Variants in TMEM117 observed in about 807,000 individuals in gnomAD.
TMEM117 encodes the protein transmembrane protein 117.
A neutral mutation model predicts 52.4 loss-of-function variants in TMEM117; 27 were observed. The observed-to-expected ratio is 0.51, with a 90% CI of 0.38 to 0.71. The LOEUF (loss-of-function observed/expected upper bound fraction) is 0.71, where lower values mean the gene tolerates loss of function less well. Ranked by LOEUF, TMEM117 falls within the 30% of genes least tolerant of loss-of-function variation. The pLI, the probability that TMEM117 is intolerant of heterozygous loss-of-function variation, is 0.00. For synonymous variants in TMEM117, 215 were observed against 206.3 expected (o/e 1.04, Z -0.36); for missense variants, 556 against 630.5 (o/e 0.88, Z 1.26).
At chr12:44,328,480 G>C (rs538143537) in intron 6 of TMEM117, among the ~76,000 whole-genome samples, 2 of 152,234 alleles carry the variant, frequency 1.3e-5, no homozygotes, top group African/African-American at 4.8e-5. Flanking sequence ...AACTCTACAA[G>C]AAAACTGCTA....
At chr12:44,359,463 T>G (rs1951693921) in intron 6 of TMEM117, among the ~76,000 whole-genome samples, 1 of 152,098 alleles carries the variant, frequency 6.6e-6, no homozygotes, top group Non-Finnish European at 1.5e-5. Flanking sequence ...TTCAATTTTG[T>G]ATTATGTATT....
intron 4 of TMEM117, among the ~76,000 whole-genome samples, chr12:44,185,501 A>G (rs1295600085): frequency 2.0e-5 from 3 of 152,220 alleles, no homozygotes; most frequent in Admixed American, 6.5e-5. Context: ...GTTATTAAAA[A>G]TAACAAAACA....
In TMEM117 at chr12:44,299,597, TG is replaced by T; in HGVS notation, c.627del (p.Thr210ArgfsTer7). ...CCTTACAGGACAGTTCTTTTTACTC[TG>T]ACGTCTGTGGTTGTACTTGTGATTA... Reference protein sequence around the residue: ...ITLFWTVLFTLTSVVVLVITT... With the variant: ...ITLFWTVLFTXTSVVVLVITT... On this transcript the variant is annotated frameshift_variant, in exon 6 of 8. Transcript: ENST00000266534. LOFTEE classifies it high-confidence loss of function. The T allele has an allele frequency of 6.2e-7, 1 of 1,614,246 alleles. No homozygotes were observed. Among genetic ancestry groups the T allele is most frequent in the Non-Finnish European group, 8.5e-7 (1 of 1,180,028 alleles).
chr12:44,331,393 G>C (rs1374529662), intron 6 of TMEM117, among the ~76,000 whole-genome samples: 1 of 151,840 alleles, frequency 6.6e-6, no homozygotes, highest in African/African-American at 2.4e-5. Flanking sequence ...TAATAACCAT[G>C]GTGTTTCATA....
intron 5 of TMEM117, among the ~76,000 whole-genome samples, chr12:44,241,309 C>G (rs1451008597): frequency 1.3e-5 from 2 of 151,644 alleles, no homozygotes; most frequent in East Asian, 3.9e-4. Context: ...CTGACCATAT[C>G]TGATAATTTG....
the TMEM117 span, among the ~76,000 whole-genome samples, chr12:43,820,804 A>G: frequency 2.0e-5 from 3 of 152,198 alleles, no homozygotes; most frequent in East Asian, 5.8e-4. Context: ...CTGTCTTTCT[A>G]TAAGAAGCAT....
intron 3 of TMEM117, among the ~76,000 whole-genome samples, chr12:44,018,725 C>CTTT (rs559433168): frequency 2.8e-5 from 4 of 140,654 alleles, no homozygotes; most frequent in African/African-American, 1.0e-4. Flanking sequence ...CTTTTTCTTT[C>CTTT]TTTTTTTTTT....
chr12:43,914,333 G>A (rs1944564649), intron 2 of TMEM117, among the ~76,000 whole-genome samples: 2 of 152,060 alleles, frequency 1.3e-5, no homozygotes, highest in African/African-American at 2.4e-5. Flanking sequence ...GGTCTGCTAA[G>A]AAACTTAGCT....
intron 5 of TMEM117, among the ~76,000 whole-genome samples, chr12:44,256,786 A>G (rs991477256): frequency 1.3e-5 from 2 of 151,908 alleles, no homozygotes; most frequent in Non-Finnish European, 2.9e-5. Flanking sequence ...AAAAATCAAT[A>G]CCCTTGAAGC....
chr12:43,802,160 A>C, the TMEM117 span: 1 of 569,722 alleles, frequency 1.8e-6, no homozygotes, highest in Non-Finnish European at 2.8e-6. Flanking sequence ...CAATCCAAGG[A>C]TTTTCCTCAT....
chr12:44,275,962 A>G (rs1214600125), intron 5 of TMEM117, among the ~76,000 whole-genome samples: 1 of 152,206 alleles, frequency 6.6e-6, no homozygotes, highest in East Asian at 1.9e-4. Flanking sequence ...CATTGTTCGT[A>G]AGACAAGGCA....
chr12:43,830,489 A>T, the TMEM117 span, among the ~76,000 whole-genome samples: 1 of 151,928 alleles, frequency 6.6e-6, no homozygotes, highest in African/African-American at 2.4e-5. Flanking sequence ...GCACGCCTGT[A>T]ATCGCAGCTA....
At chr12:43,800,931 T>C in the TMEM117 span, among the ~76,000 whole-genome samples, 13 of 152,162 alleles carry the variant, frequency 8.5e-5, no homozygotes, top group African/African-American at 2.9e-4. Context: ...TTTCTATTTT[T>C]AGTACAGACG....
At chr12:44,203,831 C>CT (rs1244548910) in intron 4 of TMEM117, among the ~76,000 whole-genome samples, 2 of 151,948 alleles carry the variant, frequency 1.3e-5, no homozygotes, top group African/African-American at 4.8e-5. Flanking sequence ...TATGATTTTT[C>CT]TTTTTTTGAA....
intron 2 of TMEM117, among the ~76,000 whole-genome samples, chr12:43,893,841 C>T (rs1425757987): frequency 2.6e-5 from 4 of 152,184 alleles, no homozygotes; most frequent in Non-Finnish European, 4.4e-5. Flanking sequence ...GACTCGGGTG[C>T]GTGACTCATC....
At chr12:44,374,900 C>T (rs1021313464) in intron 6 of TMEM117, among the ~76,000 whole-genome samples, 1 of 152,006 alleles carries the variant, frequency 6.6e-6, no homozygotes, top group Admixed American at 6.6e-5. Context: ...GATAATGCTT[C>T]GTGTCATTTA....
chr12:43,820,418 C>T, the TMEM117 span, among the ~76,000 whole-genome samples: 1 of 152,130 alleles, frequency 6.6e-6, no homozygotes, highest in Admixed American at 6.5e-5. Flanking sequence ...GGACTACAGA[C>T]GCCGGCCACC....
rs180897092 is a variant in TMEM117, at chr12:43,992,224, G to T, written c.410+47882G>T. 7.3e-5 allele frequency among the ~76,000 whole-genome samples: 11 copies of T among 150,932 alleles called. No individual in the cohort carries two copies. In the East Asian group the frequency reaches 1.9e-3, roughly 27 times the overall value. Reference sequence around the variant, plus strand: ...AATAACCACTGTCTTAAAATTCATTGCTCTCCATGTACTTCCGAATTAGTT... The same window carrying T: ...AATAACCACTGTCTTAAAATTCATTTCTCTCCATGTACTTCCGAATTAGTT... On this transcript the variant is annotated intron_variant, in intron 3 of 7. Transcript: ENST00000266534.
At chr12:43,969,901 C>G (rs1945552882) in intron 3 of TMEM117, among the ~76,000 whole-genome samples, 1 of 152,196 alleles carries the variant, frequency 6.6e-6, no homozygotes, top group African/African-American at 2.4e-5. Context: ...TCTCTTTAAT[C>G]TCTCCTCTAG....
Sources: gnomAD v4.1 joint callset for allele counts (sites outside exome capture counted in the v4.1 genomes callset) on GRCh38, gnomAD v4.1.1 for gene constraint, MANE v1.5 for transcripts, NCBI Gene and HGNC (gene_info 2026-07-23, HGNC 2026-07-21) for gene names.